Variants in GABBR2 observed in about 807,000 individuals in gnomAD.
GABBR2 encodes the protein gamma-aminobutyric acid type B receptor subunit 2.
GABBR2 carries 23 observed loss-of-function variants against 105.6 expected under a neutral mutation model. The ratio of observed to expected loss-of-function variants is 0.22; its 90% CI spans 0.16 to 0.31. GABBR2 has a LOEUF of 0.31. GABBR2 is among the 10% of genes least tolerant of loss of function. The probability of loss-of-function intolerance (pLI) is 1.00; values close to 1 mark genes in which losing one functional copy is unlikely to be tolerated. For missense variants in GABBR2, 734 were observed against 1,245.5 expected, an observed-to-expected ratio of 0.59 and a Z score of 6.18; for synonymous variants, 478 against 499.7, an observed-to-expected ratio of 0.96 and a Z score of 0.58.
chr9:98,382,975 C>T (rs1832005411), intron 11 of GABBR2, among the ~76,000 whole-genome samples: 1 of 151,842 alleles, frequency 6.6e-6, no homozygotes, highest in Non-Finnish European at 1.5e-5. Flanking sequence ...AGTTTCACTC[C>T]TGTGGCCCAG....
intron 8 of GABBR2, among the ~76,000 whole-genome samples, chr9:98,404,404 T>C (rs1006974169): frequency 6.6e-6 from 1 of 152,196 alleles, no homozygotes; most frequent in African/African-American, 2.4e-5. Context: ...GCGATAGCGC[T>C]GAAGAACACC....
intron 15 of GABBR2, 126 bp from the exon 16 acceptor site, chr9:98,303,549 G>C: frequency 1.2e-6 from 1 of 810,778 alleles, no homozygotes; most frequent in East Asian, 2.5e-5. Flanking sequence ...AAAGCCACAG[G>C]CTGGGAGTCA....
chr9:98,622,260 G>T (rs1564133299), intron 1 of GABBR2, among the ~76,000 whole-genome samples: 1 of 152,070 alleles, frequency 6.6e-6, no homozygotes, highest in Non-Finnish European at 1.5e-5. Flanking sequence ...AACCTCCCAG[G>T]CTAAATGGAT....
At chr9:98,689,847 G>A (rs1367021129) in intron 1 of GABBR2, among the ~76,000 whole-genome samples, 1 of 152,134 alleles carries the variant, frequency 6.6e-6, no homozygotes, top group Non-Finnish European at 1.5e-5. Flanking sequence ...ATATTTATCT[G>A]TTTTTTCATG....
At chr9:98,389,218 T>C (rs1832135544) in intron 9 of GABBR2, among the ~76,000 whole-genome samples, 1 of 152,212 alleles carries the variant, frequency 6.6e-6, no homozygotes. Flanking sequence ...ATAGAATCAA[T>C]AAAGGATTTG....
chr9:98,346,625 T>C (rs1374859931), intron 13 of GABBR2, among the ~76,000 whole-genome samples: 1 of 152,214 alleles, frequency 6.6e-6, no homozygotes, highest in Non-Finnish European at 1.5e-5. Context: ...TAATAAATTA[T>C]AGTTAACCGT....
At chr9:98,614,536 AT>A (rs1168266991) in intron 1 of GABBR2, among the ~76,000 whole-genome samples, 1 of 152,220 alleles carries the variant, frequency 6.6e-6, no homozygotes, top group East Asian at 1.9e-4. Context: ...AAAAAAATAA[AT>A]TAATTAATTA....
In GABBR2 at chr9:98,512,330, C is replaced by G. The variant is rs1827662229; in HGVS notation, c.631-15816G>C. 2.0e-5 allele frequency among the ~76,000 whole-genome samples: 3 copies of G among 149,898 alleles called. No homozygotes were observed. The South Asian group carries it at 6.5e-4, about 33-fold the overall frequency. ...TGAATGGGCAAAAACTGGAAGCATT[C>G]CCTTTGAAAACGGGCACAAGACAGG... On this transcript the variant is annotated intron_variant, in intron 3 of 18. Transcript: ENST00000259455.
At chr9:98,398,329 C>CCT (rs1832331083) in intron 8 of GABBR2, among the ~76,000 whole-genome samples, 1 of 150,848 alleles carries the variant, frequency 6.6e-6, no homozygotes, top group African/African-American at 2.5e-5. Flanking sequence ...AGGACCCACC[C>CCT]CCCAAACTCA....
chr9:98,305,443 T>C (rs1830535617), intron 15 of GABBR2, among the ~76,000 whole-genome samples: 2 of 152,202 alleles, frequency 1.3e-5, no homozygotes, highest in South Asian at 4.1e-4. Context: ...ATGACAGTTA[T>C]GAATGTGGGA....
At chr9:98,556,411 G>GA (rs1828584774) in intron 2 of GABBR2, among the ~76,000 whole-genome samples, 1 of 152,202 alleles carries the variant, frequency 6.6e-6, no homozygotes, top group Admixed American at 6.5e-5. Flanking sequence ...CCACAGGCAA[G>GA]AAAGTGGAGC....
intron 3 of GABBR2, among the ~76,000 whole-genome samples, chr9:98,539,681 G>C (rs1317424739): frequency 6.6e-6 from 1 of 152,148 alleles, no homozygotes; most frequent in Non-Finnish European, 1.5e-5. Context: ...ACTTTGGGAA[G>C]CTGAGGTGAG....
chr9:98,578,164 A>T, intron 1 of GABBR2, 92 bp from the exon 2 acceptor site: 1 of 1,416,158 alleles, frequency 7.1e-7, no homozygotes, highest in Non-Finnish European at 9.8e-7. Flanking sequence ...CCTCATGGAA[A>T]CCTTCTGGGT....
rs150749253 is a variant in GABBR2, at chr9:98,410,967, G to T, written c.1237-4826C>A. 1.3e-3 allele frequency among the ~76,000 whole-genome samples: 197 copies of T among 152,254 alleles called. 1 individual carries two copies. Among genetic ancestry groups the T allele is most frequent in the African/African-American group, 4.5e-3 (188 of 41,546 alleles). ...TCCACCATCCCTTCCAACAAAGTTG[G>T]AACCAGTTCCTGTATGAAATCTCCC... On this transcript the variant is annotated intron_variant, in intron 7 of 18. Transcript: ENST00000259455.
intron 1 of GABBR2, among the ~76,000 whole-genome samples, chr9:98,703,808 T>TAAATA (rs5899355): frequency 0.82 from 123,774 of 150,516 alleles, 51,591 homozygotes; most frequent in Middle Eastern, 0.92. Context: ...TTTTTATTTT[T>TAAATA]AAATAAAAAT....
intron 1 of GABBR2, among the ~76,000 whole-genome samples, chr9:98,579,140 T>A (rs1828965289): frequency 6.6e-6 from 1 of 152,030 alleles, no homozygotes; most frequent in South Asian, 2.1e-4. Flanking sequence ...TTTACCACAG[T>A]CTTAAAAAAA....
At chr9:98,510,295 G>A (rs1018966451) in intron 3 of GABBR2, among the ~76,000 whole-genome samples, 3 of 152,198 alleles carry the variant, frequency 2.0e-5, no homozygotes, top group East Asian at 1.9e-4. Flanking sequence ...AGGAACAACT[G>A]GTACCAGCCA....
intron 9 of GABBR2, 101 bp downstream of exon 9, chr9:98,394,074 C>T: frequency 1.2e-6 from 1 of 819,780 alleles, no homozygotes; most frequent in Non-Finnish European, 2.1e-6. Context: ...CCTTGACCCC[C>T]TGAAGCCAAG....
chr9:98,655,474 G>T (rs1406659260), intron 1 of GABBR2, among the ~76,000 whole-genome samples: 1 of 152,196 alleles, frequency 6.6e-6, no homozygotes, highest in Admixed American at 6.5e-5. Context: ...GGTGATGTGT[G>T]TGGGAATCAA....
Sources: allele counts gnomAD v4.1 joint callset (sites outside exome capture counted in the v4.1 genomes callset), GRCh38; gene constraint gnomAD v4.1.1; transcripts MANE v1.5; gene names NCBI Gene and HGNC (gene_info 2026-07-23, HGNC 2026-07-21).